HGF: variants seen among roughly 807,000 people sequenced by gnomAD.
HGF encodes the protein fibroblast-derived tumor cytotoxic factor.
HGF carries 39 observed loss-of-function variants against 111.6 expected under a neutral mutation model. The observed-to-expected ratio is 0.35, with a 90% CI of 0.27 to 0.46. HGF has a LOEUF of 0.46. HGF is among the 20% of genes least tolerant of loss of function. The pLI is 1.00. For synonymous variants in HGF, 285 were observed against 294.8 expected (o/e 0.97, Z 0.34); for missense variants, 735 against 910.5 (o/e 0.81, Z 2.48).
chr7:81,759,774 G>A (rs1305900829), intron 2 of HGF, among the ~76,000 whole-genome samples: 2 of 152,096 alleles, frequency 1.3e-5, no homozygotes, highest in Non-Finnish European at 1.5e-5. Context: ...AAAGTGCTAA[G>A]CATTTTTAAT....
At chr7:81,728,372 T>C (rs571577021) in intron 8 of HGF, among the ~76,000 whole-genome samples, 2 of 152,354 alleles carry the variant, frequency 1.3e-5, no homozygotes, top group South Asian at 2.1e-4. Context: ...TACAGATGAA[T>C]TTCACTAGGT....
intron 10 of HGF, among the ~76,000 whole-genome samples, chr7:81,719,591 CTG>C (rs1290695499): frequency 4.6e-5 from 7 of 152,072 alleles, no homozygotes. Flanking sequence ...AAATGAAAAA[CTG>C]TAGATACAGT....
At chr7:81,756,282 T>G in intron 4 of HGF, 2 of 516,380 alleles carry the variant, frequency 3.9e-6, no homozygotes, top group Non-Finnish European at 6.8e-6. Context: ...CGCTGTGTGG[T>G]TCTCATTACA....
intron 6 of HGF, among the ~76,000 whole-genome samples, chr7:81,744,145 A>G (rs1408268337): frequency 6.6e-6 from 1 of 152,180 alleles, no homozygotes; most frequent in Non-Finnish European, 1.5e-5. Context: ...AAGAACAAAG[A>G]AAAAACACCT....
chr7:81,762,637 A>G, intron 2 of HGF, 70 bp downstream of exon 2: 1 of 1,134,460 alleles, frequency 8.8e-7, no homozygotes. Flanking sequence ...ACAACACAAA[A>G]GACACATGAT....
intron 7 of HGF, among the ~76,000 whole-genome samples, chr7:81,736,352 C>T (rs1233154557): frequency 6.6e-6 from 1 of 152,030 alleles, no homozygotes; most frequent in Non-Finnish European, 1.5e-5. Flanking sequence ...TAGTAGCCTT[C>T]TAGGTGATCA....
At chr7:81,726,734 G>A (rs1790022448) in intron 8 of HGF, among the ~76,000 whole-genome samples, 1 of 151,752 alleles carries the variant, frequency 6.6e-6, no homozygotes, top group Non-Finnish European at 1.5e-5. Context: ...ATTTTAATTA[G>A]AAATTTAGAG....
At chr7:81,765,173 T>C (rs978974544) in intron 1 of HGF, among the ~76,000 whole-genome samples, 14 of 152,124 alleles carry the variant, frequency 9.2e-5, no homozygotes, top group African/African-American at 2.9e-4. Context: ...TGTATTTTAA[T>C]GTATCAAATG....
intron 2 of HGF, among the ~76,000 whole-genome samples, chr7:81,760,306 T>TTTATGAATG (rs1789002774): frequency 1.3e-5 from 2 of 152,202 alleles, no homozygotes. Flanking sequence ...ATTAAGTGAA[T>TTTATGAATG]TTATGAATGA....
Position 81,725,878 on chromosome 7 carries a change from G to A in HGF, c.1168+12C>T, listed in dbSNP as rs780216945. 4.3e-6 allele frequency: 7 copies of A among 1,614,006 alleles called. No individual in the cohort carries two copies. In the South Asian group the frequency reaches 5.5e-5, roughly 13 times the overall value. On this transcript the variant is annotated intron_variant, in intron 9 of 17. Transcript: ENST00000222390. ...TTTAATCATGCCCACCCTGCAGAATGTCAGCTATTACCTTGTCCATGTGAC... is the reference window on the plus strand; with the variant it reads ...TTTAATCATGCCCACCCTGCAGAATATCAGCTATTACCTTGTCCATGTGAC...
chr7:81,761,410 A>T (rs1789070458), intron 2 of HGF, among the ~76,000 whole-genome samples: 1 of 152,184 alleles, frequency 6.6e-6, no homozygotes, highest in South Asian at 2.1e-4. Flanking sequence ...TCTCAGGCCC[A>T]TAACATTTAT....
intron 5 of HGF, chr7:81,750,814 T>C (rs1788460680): frequency 4.9e-6 from 1 of 202,634 alleles, no homozygotes; most frequent in African/African-American, 1.3e-4. Context: ...CCCCTAAAAG[T>C]AGGGTTTTTT....
chr7:81,721,039 A>G (rs1406921520), intron 9 of HGF, among the ~76,000 whole-genome samples, 192 bp from the exon 10 acceptor site: 1 of 152,210 alleles, frequency 6.6e-6, no homozygotes, highest in African/African-American at 2.4e-5. Context: ...AGGTCAGGAG[A>G]TCGAGACCAT....
At chr7:81,715,952 A>G (rs1449690035) in intron 11 of HGF, among the ~76,000 whole-genome samples, 1 of 152,194 alleles carries the variant, frequency 6.6e-6, no homozygotes, top group African/African-American at 2.4e-5. Flanking sequence ...GTGGTTTAAC[A>G]TTGTGGTAAA....
intron 7 of HGF, chr7:81,736,679 A>C: frequency 2.1e-6 from 1 of 465,664 alleles, no homozygotes; most frequent in Admixed American, 2.3e-5. Context: ...TGGCTGGGGT[A>C]AAGAGACTAT....
rs147909396 is a variant in HGF, at chr7:81,704,269, G to C, written c.2010+1121C>G. Among the ~76,000 whole-genome samples the C allele has an allele frequency of 3.0e-4, 46 of 151,784 alleles. 1 individual carries two copies. In the East Asian group the frequency reaches 6.2e-3, roughly 20 times the overall value. On this transcript the variant is annotated intron_variant, in intron 17 of 17. Coordinates refer to ENST00000222390, the MANE Select transcript of HGF (RefSeq NM_000601.6). ...ATATAGGTGATAATCCAAATTAAAG[G>C]CTATTCTTCAAAAGCAGTTGTCAAA... is the stretch of plus-strand genomic sequence containing the variant.
intron 5 of HGF, among the ~76,000 whole-genome samples, chr7:81,747,619 G>A (rs1227124361): frequency 6.6e-6 from 1 of 152,196 alleles, no homozygotes; most frequent in Non-Finnish European, 1.5e-5. Context: ...AACATGCCAT[G>A]ATTGAATTGA....
intron 7 of HGF, among the ~76,000 whole-genome samples, chr7:81,737,958 C>A (rs773181458): frequency 6.6e-6 from 1 of 152,022 alleles, no homozygotes; most frequent in East Asian, 1.9e-4. Flanking sequence ...AATTGCCAGG[C>A]ACCTGTTGGA....
chr7:81,704,985 G>A (rs1789384404), intron 17 of HGF, among the ~76,000 whole-genome samples: 1 of 151,794 alleles, frequency 6.6e-6, no homozygotes, highest in Admixed American at 6.6e-5. Flanking sequence ...AGATTTAAAA[G>A]TTTAAAGCCA....
Sources: gnomAD v4.1 joint callset for allele counts (sites outside exome capture counted in the v4.1 genomes callset) on GRCh38, gnomAD v4.1.1 for gene constraint, MANE v1.5 for transcripts, NCBI Gene and HGNC (gene_info 2026-07-23, HGNC 2026-07-21) for gene names.